Variants in CEACAM19 observed in about 807,000 individuals in gnomAD.
The protein encoded by CEACAM19 is cell adhesion molecule CEACAM19.
CEACAM19 carries 37 observed loss-of-function variants against 37.6 expected under a neutral mutation model. The observed-to-expected ratio is 0.98, with a 90% CI of 0.76 to 1.29. The LOEUF (loss-of-function observed/expected upper bound fraction) is 1.29, where lower values mean the gene tolerates loss of function less well. Ranked by LOEUF, CEACAM19 falls within the 50% of genes most tolerant of loss-of-function variation. The probability of loss-of-function intolerance (pLI) is 0.00; values close to 1 mark genes in which losing one functional copy is unlikely to be tolerated. For missense variants in CEACAM19, 340 were observed against 375.6 expected (o/e 0.91, Z 0.78); for synonymous variants, 140 against 149.8 (o/e 0.93, Z 0.48).
upstream of CEACAM19, among the ~76,000 whole-genome samples, chr19:44,668,695 A>AGATAT (rs1442684746): frequency 7.0e-4 from 62 of 89,114 alleles, 4 homozygotes; most frequent in African/African-American, 3.7e-3. Context: ...ATAATATATT[A>AGATAT]TATATTATAT....
upstream of CEACAM19, among the ~76,000 whole-genome samples, chr19:44,671,031 G>A (rs923909051): frequency 2.6e-5 from 4 of 151,736 alleles, no homozygotes; most frequent in African/African-American, 4.8e-5. Context: ...CAGAGGTTGC[G>A]GTGAACTGAG....
rs571185092 is a variant in CEACAM19 at position 44,681,242 on chromosome 19, A to T, written c.722A>T (p.Tyr241Phe). Residue 241 changes from tyrosine (Y) to phenylalanine (F), a missense_variant, in exon 6 of 8, where the codon TAT (tyrosine) becomes TTT (phenylalanine). Transcript: ENST00000358777. ...TCTGTTTCAGGTGACAACAACATCT[A>T]TGAAGTGATGCCCTCTCCAGTCCTC... ...PAHDAGDNNI[Y>F]EVMPSPVLLV... The T allele has an allele frequency of 6.2e-7, 1 of 1,614,028 alleles. No homozygotes were observed. Among genetic ancestry groups the T allele is most frequent in the South Asian group, 1.1e-5 (1 of 91,040 alleles).
Position 44,676,401 on chromosome 19 carries a change from C to T in CEACAM19, c.555C>T (p.Asn185=), listed in dbSNP as rs2122136758. The change falls in exon 3 of 8, where the codon AAC becomes AAT. Residue 185 remains asparagine, a synonymous_variant. Coordinates refer to ENST00000358777, the MANE Select transcript of CEACAM19 (RefSeq NM_001127893.3). The part of the protein sequence containing the change: ...SCIAYLLVTR[N]WRGQSHRLPA... ...TTGCCTATCTCCTGGTGACAAGGAA[C>T]TGGAGGGGCCAGAGCCACAGGTACA... The T allele has an allele frequency of 6.2e-7, 1 of 1,614,126 alleles. No individual in the cohort carries two copies. Among genetic ancestry groups the T allele is most frequent in the East Asian group, 2.2e-5 (1 of 44,876 alleles).
In CEACAM19 at chr19:44,678,861, C is replaced by T. The variant is rs1446427713; in HGVS notation, c.584C>T (p.Ala195Val). The T allele has an allele frequency of 6.2e-7, 1 of 1,613,822 alleles. No homozygotes were observed. Among genetic ancestry groups the T allele is most frequent in the African/African-American group, 1.3e-5 (1 of 74,912 alleles). Residue 195 changes from alanine (A) to valine (V), a missense_variant, in exon 4 of 8, where the codon GCT (alanine) becomes GTT (valine). By Grantham distance (64) the Ala-to-Val change is moderately conservative. Coordinates refer to ENST00000358777, the MANE Select transcript of CEACAM19 (RefSeq NM_001127893.3). ...NWRGQSHRLP[A>V]PRGQGSLSIL... ...CTCTCTTTCCACCCTAGACTGCCTG[C>T]TCCGAGGGGCCAGGGATCTCTGTCC...
At chr19:44,682,525 G>T in intron 6 of CEACAM19, 42 bp from the exon 7 acceptor site, 2 of 1,552,370 alleles carry the variant, frequency 1.3e-6, no homozygotes, top group Non-Finnish European at 1.7e-6. Context: ...TTAGAGGGTG[G>T]GGGGTGCCGA....
In CEACAM19 at chr19:44,676,253, C is replaced by T. The variant is rs1382364921; in HGVS notation, c.425-18C>T. On this transcript the variant is annotated intron_variant, in intron 2 of 7. Transcript: ENST00000358777. ...ATCGCACAGTCCCCCCTCTCTCTTT[C>T]TTTCTCTCACCCCTCAGAAAAGAAT... 6.8e-6 allele frequency: 11 copies of T among 1,612,600 alleles called. No individual in the cohort carries two copies. Among genetic ancestry groups the T allele is most frequent in the South Asian group, 1.1e-5 (1 of 90,996 alleles).
chr19:44,676,823 C>T (rs1382244934), intron 3 of CEACAM19, among the ~76,000 whole-genome samples: 3 of 151,918 alleles, frequency 2.0e-5, no homozygotes, highest in Non-Finnish European at 4.4e-5. Context: ...GGGGTTTTGC[C>T]CAGGCTGGTC....
At chr19:44,678,639 G>C (rs1010827270) in intron 3 of CEACAM19, 1 of 510,614 alleles carries the variant, frequency 2.0e-6, no homozygotes, top group South Asian at 2.9e-5. Context: ...TCAAACTCCT[G>C]AACTCAGGTG....
At chr19:44,667,408 A>G (rs1339750124), upstream of CEACAM19, 3 of 150,250 alleles carry the variant, frequency 2.0e-5, no homozygotes, top group African/African-American at 4.9e-5. Flanking sequence ...GCCACTGATC[A>G]CTTGAGGCTA....
At chr19:44,676,863 G>A (rs530202530) in intron 3 of CEACAM19, among the ~76,000 whole-genome samples, 1 of 152,116 alleles carries the variant, frequency 6.6e-6, no homozygotes, top group Non-Finnish European at 1.5e-5. Flanking sequence ...TGATCCTCCA[G>A]CTTTGGCCTC....
At chr19:44,672,079 T>G (rs1973865145) in intron 1 of CEACAM19, 93 bp downstream of exon 1, 2 of 1,033,398 alleles carry the variant, frequency 1.9e-6, no homozygotes, top group Non-Finnish European at 2.9e-6. Flanking sequence ...AAAGATTACC[T>G]GAGAGGATGA....
upstream of CEACAM19, among the ~76,000 whole-genome samples, chr19:44,668,119 G>A (rs1973772161): frequency 1.5e-5 from 1 of 67,576 alleles, no homozygotes; most frequent in African/African-American, 6.4e-5. Context: ...TATATAATAT[G>A]TTATATATTT....
rs1402876552 is a variant in CEACAM19 at position 44,682,681 on chromosome 19, CG to C, written c.846+65del. 9.3e-6 allele frequency: 14 copies of C among 1,506,026 alleles called. No individual in the cohort carries two copies. In the South Asian group the frequency reaches 1.3e-4, roughly 14 times the overall value. 93.3% of individuals were successfully genotyped at this position (1,506,026 alleles called of 1,614,324 possible). A position where few individuals can be genotyped will look rare whatever the true frequency, so the allele number is the denominator to read the frequency against. Reference sequence around the variant, plus strand: ...CCCACGGATCCAGGAGCCCCGAAGCCGGGGTGGGGAGGGGTCAAGACAACTG... The same window carrying C: ...CCCACGGATCCAGGAGCCCCGAAGCCGGGTGGGGAGGGGTCAAGACAACTG... On this transcript the variant is annotated intron_variant, in intron 7 of 7. Transcript: ENST00000358777.
intron 3 of CEACAM19, chr19:44,678,623 A>C (rs575418263): frequency 7.0e-5 from 29 of 412,514 alleles, no homozygotes; most frequent in Non-Finnish European, 1.1e-4. Context: ...GTTGGCCAGG[A>C]TGGTCTCAAA....
chr19:44,679,983 G>A (rs1974025748), intron 4 of CEACAM19, among the ~76,000 whole-genome samples: 1 of 152,100 alleles, frequency 6.6e-6, no homozygotes, highest in Admixed American at 6.6e-5. Context: ...TCTATGTAAA[G>A]AGAAATATTA....
At chr19:44,681,073 G>A (rs546610261) in intron 5 of CEACAM19, among the ~76,000 whole-genome samples, 154 bp from the exon 6 acceptor site, 3 of 152,254 alleles carry the variant, frequency 2.0e-5, no homozygotes, top group South Asian at 2.1e-4. Context: ...TGGGACTGTC[G>A]TGGTCAGCAC....
rs776116316 is a variant in CEACAM19 at position 44,683,512 on chromosome 19, C to T, written c.*22C>T. 2.7e-5 allele frequency: 40 copies of T among 1,504,116 alleles called. No homozygotes were observed. The highest frequency in any genetic ancestry group is 3.4e-5 in the Non-Finnish European group (38 of 1,115,132). 93.2% of individuals were successfully genotyped at this position (1,504,116 alleles called of 1,614,324 possible). A position where few individuals can be genotyped will look rare whatever the true frequency, so the allele number is the denominator to read the frequency against. ...CTGATGGGTCCTGGGCCAGGCCAGCCAGGGAGAAGACAAGGCCCCAGCCCT... is the reference window on the plus strand; with the variant it reads ...CTGATGGGTCCTGGGCCAGGCCAGCTAGGGAGAAGACAAGGCCCCAGCCCT... On this transcript the variant is annotated 3_prime_UTR_variant, in exon 8 of 8. Coordinates refer to ENST00000358777, the MANE Select transcript of CEACAM19 (RefSeq NM_001127893.3).
At position 44,680,392 on chromosome 19, in the gene CEACAM19, C is replaced by T; in HGVS notation, c.706+58C>T. The T allele has an allele frequency of 2.0e-6, 3 of 1,466,856 alleles. 1 individual carries two copies. In the South Asian group the frequency reaches 3.4e-5, roughly 17 times the overall value. The allele number at this position is 1,466,856 out of a possible 1,614,324, so 90.9% of individuals were successfully genotyped here. ...CCCTCCTCTCAGCTCCTCCTTTCTC[C>T]CCTATAGCCACAAGCCCGCTTATTC... On this transcript the variant is annotated intron_variant, in intron 5 of 7. Coordinates refer to ENST00000358777, the MANE Select transcript of CEACAM19 (RefSeq NM_001127893.3).
At chr19:44,666,094 T>C (rs1286712156) in intron 1 of CEACAM19, 1 of 152,214 alleles carries the variant, frequency 6.6e-6, no homozygotes, top group African/African-American at 2.4e-5. Context: ...GGAACATGTT[T>C]GAATTTTATT....
Sources: allele counts gnomAD v4.1 joint callset (sites outside exome capture counted in the v4.1 genomes callset), GRCh38; gene constraint gnomAD v4.1.1; transcripts MANE v1.5; gene names NCBI Gene and HGNC (gene_info 2026-07-23, HGNC 2026-07-21).